The following RAD51B variants were observed in gnomAD, a reference collection of about 807,000 sequenced individuals.
The protein encoded by RAD51B is RAD51 paralog B.
A neutral mutation model predicts 42.2 loss-of-function variants in RAD51B; 38 were observed. That is an observed-to-expected ratio of 0.90 (90% CI 0.70 to 1.18). The LOEUF is 1.18. Among genes scored for constraint, RAD51B ranks in the 50% most tolerant of loss-of-function variants. The pLI is 0.00. For missense variants in RAD51B, 373 were observed against 400.7 expected (o/e 0.93, Z 0.59); for synonymous variants, 154 against 145.2 (o/e 1.06, Z -0.43).
At chr14:68,324,265 A>G (rs762353981) in intron 8 of RAD51B, among the ~76,000 whole-genome samples, 2 of 152,208 alleles carry the variant, frequency 1.3e-5, no homozygotes, top group Non-Finnish European at 2.9e-5. Context: ...TCAACAAACC[A>G]TCTATACCCA....
At chr14:68,272,207 C>G (rs6573824) in intron 7 of RAD51B, among the ~76,000 whole-genome samples, 136,842 of 152,216 alleles carry the variant, frequency 0.9, 62,353 homozygotes, top group African/African-American at 0.98. Context: ...AGTGGCTGTA[C>G]TTAGGGGAGA....
At chr14:68,151,724 T>C (rs1353949183) in intron 7 of RAD51B, among the ~76,000 whole-genome samples, 2 of 152,038 alleles carry the variant, frequency 1.3e-5, no homozygotes, top group Admixed American at 1.3e-4. Context: ...TCCAGTGTAT[T>C]TGTCACCTCA....
At chr14:68,540,515 A>G (rs17105810) in intron 10 of RAD51B, 194,723 of 984,852 alleles carry the variant, frequency 0.2, 20,313 homozygotes, top group Middle Eastern at 0.35. Context: ...TCATTTCTCT[A>G]GGTAACATGT....
rs1885412590 is a variant in RAD51B at position 68,507,427 on chromosome 14, G to A, written c.1036+39177G>A. ...TTGTTTGGTAGCACAGAAGGGTAGA[G>A]TTTGACATAAATACTCTGTTCTTTG... On this transcript the variant is annotated intron_variant, in intron 10 of 10. Transcript: ENST00000487270. Among the ~76,000 whole-genome samples, 5 of 152,298 alleles carry A rather than the reference G, an allele frequency of 3.3e-5. 1 individual carries two copies. The South Asian group carries it at 1.0e-3, about 32-fold the overall frequency.
intron 7 of RAD51B, among the ~76,000 whole-genome samples, chr14:67,937,905 TC>T: frequency 6.6e-6 from 1 of 152,236 alleles, no homozygotes; most frequent in East Asian, 1.9e-4. Context: ...CTTTTTTTTT[TC>T]TTTTTTTGCA....
intron 8 of RAD51B, among the ~76,000 whole-genome samples, chr14:68,301,195 C>T (rs1003625659): frequency 2.0e-5 from 3 of 152,236 alleles, no homozygotes; most frequent in East Asian, 3.9e-4. Context: ...TTTCCTGGCA[C>T]TGTCATCTCC....
At chr14:68,137,500 CATT>C (rs1486519803) in intron 7 of RAD51B, among the ~76,000 whole-genome samples, 3 of 152,184 alleles carry the variant, frequency 2.0e-5, no homozygotes, top group East Asian at 3.8e-4. Context: ...TTAATACCAT[CATT>C]ATCTTTAATA....
chr14:68,501,625 C>T (rs1884924301), intron 10 of RAD51B, among the ~76,000 whole-genome samples: 2 of 152,242 alleles, frequency 1.3e-5, no homozygotes, highest in Admixed American at 6.5e-5. Flanking sequence ...GCTGAGGTAG[C>T]TGATGTTAAC....
At chr14:68,037,939 C>T (rs950676860) in intron 7 of RAD51B, among the ~76,000 whole-genome samples, 1 of 152,208 alleles carries the variant, frequency 6.6e-6, no homozygotes, top group Non-Finnish European at 1.5e-5. Context: ...AACTATTCTC[C>T]TTGAAAGGGA....
intron 7 of RAD51B, among the ~76,000 whole-genome samples, chr14:68,060,818 A>G (rs1361653220): frequency 1.3e-5 from 2 of 152,186 alleles, no homozygotes; most frequent in African/African-American, 2.4e-5. Flanking sequence ...TCCCAGCACC[A>G]TTTATTGAGA....
intron 7 of RAD51B, among the ~76,000 whole-genome samples, chr14:68,045,236 C>CAA (rs537073885): frequency 0.12 from 2,631 of 22,056 alleles, 321 homozygotes; most frequent in Middle Eastern, 0.18. Flanking sequence ...AACTCTGTCT[C>CAA]AAAAAAAAAA....
chr14:68,674,913 T>G (rs569241629), intron 11 of RAD51B, among the ~76,000 whole-genome samples: 4 of 152,218 alleles, frequency 2.6e-5, no homozygotes, highest in Non-Finnish European at 4.4e-5. Context: ...CTGCTCAGCC[T>G]TGGGGGTCCA....
At chr14:68,250,828 A>C (rs2080613489) in intron 7 of RAD51B, among the ~76,000 whole-genome samples, 1 of 152,238 alleles carries the variant, frequency 6.6e-6, no homozygotes, top group South Asian at 2.1e-4. Flanking sequence ...GGGAGAGAAT[A>C]TCAGAAAATG....
chr14:68,379,074 G>A (rs897768640), intron 8 of RAD51B, among the ~76,000 whole-genome samples: 2 of 151,998 alleles, frequency 1.3e-5, no homozygotes, highest in African/African-American at 2.4e-5. Context: ...TACTTGTTCC[G>A]GGAAATAACA....
At chr14:68,042,953 C>T (rs2140399886) in intron 7 of RAD51B, among the ~76,000 whole-genome samples, 1 of 152,296 alleles carries the variant, frequency 6.6e-6, no homozygotes, top group East Asian at 1.9e-4. Context: ...GCCAAGTTCT[C>T]AACACCCTGT....
In RAD51B at chr14:67,885,984, CA is replaced by C; in HGVS notation, c.571del (p.Arg191GlyfsTer17). 1 of 1,588,336 alleles carries C rather than the reference CA, an allele frequency of 6.3e-7. No homozygotes were observed. Among genetic ancestry groups the C allele is most frequent in the Non-Finnish European group, 8.6e-7 (1 of 1,161,488 alleles). ...GGAACTCACCTGTGATGAAGTTCTA[CA>C]AAGGTATGCTGCTTTAGATTTTGAT... ...YRELTCDEVLQRIESLEEEII... is the reference protein window; with the variant it reads ...YRELTCDEVLXRIESLEEEII... On this transcript the variant is annotated frameshift_variant, in exon 6 of 11. Coordinates refer to ENST00000471583, the MANE Select transcript of RAD51B (RefSeq NM_133510.4). LOFTEE classifies it high-confidence loss of function.
intron 8 of RAD51B, among the ~76,000 whole-genome samples, chr14:68,342,356 A>G (rs941600092): frequency 6.6e-6 from 1 of 152,228 alleles, no homozygotes; most frequent in African/African-American, 2.4e-5. Context: ...ATTTTCCCTA[A>G]GTCACTCTTG....
chr14:68,609,330 C>T (rs572513900), intron 10 of RAD51B, among the ~76,000 whole-genome samples: 8 of 152,268 alleles, frequency 5.3e-5, no homozygotes, highest in East Asian at 3.9e-4. Context: ...TGTCACTCTC[C>T]TCAGATGCCC....
At chr14:68,306,840 C>T (rs894861531) in intron 8 of RAD51B, among the ~76,000 whole-genome samples, 1 of 152,054 alleles carries the variant, frequency 6.6e-6, no homozygotes, top group African/African-American at 2.4e-5. Flanking sequence ...TATGGCATGC[C>T]AGGCAATGGG....
Sources: allele counts gnomAD v4.1 joint callset (sites outside exome capture counted in the v4.1 genomes callset), GRCh38; gene constraint gnomAD v4.1.1; transcripts MANE v1.5; gene names NCBI Gene and HGNC (gene_info 2026-07-23, HGNC 2026-07-21).